F13B: variants seen among roughly 807,000 people sequenced by gnomAD.
The protein encoded by F13B is TGase.
A neutral mutation model predicts 79.8 loss-of-function variants in F13B; 58 were observed. The observed-to-expected ratio is 0.73, with a 90% confidence interval of 0.59 to 0.90. The LOEUF (loss-of-function observed/expected upper bound fraction) is 0.90. Ranked by LOEUF, F13B falls within the 40% of genes least tolerant of loss-of-function variation. The pLI, the probability that F13B is intolerant of heterozygous loss-of-function variation, is 0.00. For missense variants in F13B, 773 were observed against 777.0 expected, an observed-to-expected ratio of 0.99 and a Z score of 0.06; for synonymous variants, 283 against 260.3, an observed-to-expected ratio of 1.09 and a Z score of -0.84.
intron 10 of F13B, among the ~76,000 whole-genome samples, chr1:197,041,008 T>C (rs1655018738): frequency 6.6e-6 from 1 of 152,160 alleles, no homozygotes; most frequent in Non-Finnish European, 1.5e-5. Context: ...TTTAGTTTTA[T>C]GTCATTAGCT....
chr1:197,056,586 A>G (rs558804848), intron 7 of F13B, among the ~76,000 whole-genome samples: 2 of 152,290 alleles, frequency 1.3e-5, no homozygotes, highest in East Asian at 1.9e-4. Flanking sequence ...ACCCAAGGTC[A>G]AGAACAGAAT....
At chr1:197,050,448 T>C (rs1192042246) in intron 10 of F13B, among the ~76,000 whole-genome samples, 2 of 152,162 alleles carry the variant, frequency 1.3e-5, no homozygotes, top group Admixed American at 6.6e-5. Flanking sequence ...CTATGGCTTA[T>C]TCAACTTATA....
At position 197,040,559 on chromosome 1, in the gene F13B, C is replaced by G. The variant is rs931543503; in HGVS notation, c.1915G>C (p.Gly639Arg). 6.2e-7 allele frequency: 1 copy of G among 1,612,650 alleles called. No homozygotes were observed. The highest frequency in any genetic ancestry group is 1.7e-5 in the Admixed American group (1 of 59,942). The change falls in exon 11 of 12, where the codon GGG (glycine) becomes CGG (arginine). Residue 639 changes from glycine (G) to arginine (R), a missense_variant. Coordinates refer to ENST00000367412, the MANE Select transcript of F13B (RefSeq NM_001994.3). ...GSILRMQCDR[G>R]QLKYPRCIPR... ...ATACATCTTGGATATTTTAACTGCC[C>G]TCTGTCACATTGCATTCTAAGTATA...
intron 3 of F13B, 147 bp from the exon 4 acceptor site, chr1:197,061,222 C>T (rs1012384304): frequency 4.1e-5 from 20 of 486,830 alleles, no homozygotes; most frequent in Non-Finnish European, 7.0e-6. Flanking sequence ...TTTTCTTTGC[C>T]TCTATTCTCT....
chr1:197,042,329 T>C (rs909084207), intron 10 of F13B, among the ~76,000 whole-genome samples: 1 of 152,206 alleles, frequency 6.6e-6, no homozygotes, highest in African/African-American at 2.4e-5. Flanking sequence ...ACATGAGATT[T>C]AAATTAAAAT....
Position 197,057,146 on chromosome 1 carries a change from T to A in F13B, c.1038A>T (p.Ala346=). 1 of 1,613,938 alleles carries A rather than the reference T, an allele frequency of 6.2e-7. No homozygotes were observed. The highest frequency in any genetic ancestry group is 8.5e-7 in the Non-Finnish European group (1 of 1,179,926). The change falls in exon 7 of 12, where the codon GCA becomes GCT. Residue 346 remains alanine, a synonymous_variant. Transcript: ENST00000367412. ...AATAAATCTTAGAGTGTAAATTTGC[T>A]GCACCATTTTCAATGAAGGGTGGTT... The part of the protein sequence containing the change: ...CEEPPFIENG[A]ANLHSKIYYN...
intron 2 of F13B, among the ~76,000 whole-genome samples, chr1:197,062,316 T>C (rs1021302553): frequency 6.6e-5 from 10 of 152,156 alleles, no homozygotes; most frequent in African/African-American, 2.4e-4. Flanking sequence ...AGTTTGATGA[T>C]AGTGTAGCCT....
rs1655830884 is a variant in F13B, at chr1:197,060,915, G to A, written c.612C>T (p.Leu204=). The change falls in exon 4 of 12, where the codon CTC becomes CTT. Residue 204 remains leucine, a synonymous_variant. Transcript: ENST00000367412. ...AGAACCTACTGGTACATTTTGGTGT[G>A]AGAGACCATCCGTATGTGAGACATT... ...EVECLTYGWS[L]TPKCTKLKCS... 2.5e-6 allele frequency: 4 copies of A among 1,613,084 alleles called. No individual in the cohort carries two copies. The highest frequency in any genetic ancestry group is 3.4e-6 in the Non-Finnish European group (4 of 1,179,360).
chr1:197,050,407 G>A (rs1571557543), intron 10 of F13B, among the ~76,000 whole-genome samples: 1 of 152,000 alleles, frequency 6.6e-6, no homozygotes, highest in African/African-American at 2.4e-5. Flanking sequence ...CAATCACAAT[G>A]AATGATAATT....
intron 8 of F13B, among the ~76,000 whole-genome samples, chr1:197,054,775 A>G (rs1239694720): frequency 4.6e-5 from 7 of 151,984 alleles, no homozygotes; most frequent in Non-Finnish European, 7.4e-5. Context: ...GTTAACAAAG[A>G]TTAGGATGAT....
chr1:197,052,322 T>C (rs1029949620), intron 9 of F13B, among the ~76,000 whole-genome samples: 35 of 152,142 alleles, frequency 2.3e-4, no homozygotes, highest in Admixed American at 1.0e-3. Flanking sequence ...ACACTGCTGA[T>C]GGGAATGTAA....
At chr1:197,045,034 TAAATGCCCACAAGAGAATGCAGG>T (rs1465267689) in intron 10 of F13B, among the ~76,000 whole-genome samples, 1 of 152,092 alleles carries the variant, frequency 6.6e-6, no homozygotes, top group African/African-American at 2.4e-5. Flanking sequence ...TTTATAGCAC[TAAATGCCCACAAGAGAATGCAGG>T]AAAGATCTAA....
chr1:197,054,256 C>T (rs1315072640), intron 8 of F13B, among the ~76,000 whole-genome samples: 1 of 152,080 alleles, frequency 6.6e-6, no homozygotes, highest in Non-Finnish European at 1.5e-5. Context: ...TCATTACCAG[C>T]TTTGCCATAA....
chr1:197,056,117 C>A (rs955487335), intron 7 of F13B, among the ~76,000 whole-genome samples: 1 of 152,058 alleles, frequency 6.6e-6, no homozygotes, highest in Non-Finnish European at 1.5e-5. Context: ...ACGTATTTTT[C>A]TCTTTTCTCA....
chr1:197,062,176 C>T (rs1405483866), intron 2 of F13B, among the ~76,000 whole-genome samples: 1 of 152,056 alleles, frequency 6.6e-6, no homozygotes, highest in Non-Finnish European at 1.5e-5. Context: ...ACCCCTACCA[C>T]ATCTACTTCT....
intron 9 of F13B, among the ~76,000 whole-genome samples, chr1:197,051,676 G>A (rs1444681598): frequency 6.6e-6 from 1 of 152,086 alleles, no homozygotes; most frequent in Non-Finnish European, 1.5e-5. Context: ...TATGCTGATT[G>A]AAGTTTGGAA....
At chr1:197,046,182 A>C (rs1655222452) in intron 10 of F13B, among the ~76,000 whole-genome samples, 1 of 152,200 alleles carries the variant, frequency 6.6e-6, no homozygotes, top group African/African-American at 2.4e-5. Context: ...TGTCAAGAGA[A>C]AGAAATAAAT....
Position 197,039,414 on chromosome 1 carries a change from T to C in F13B, c.1953-3A>G, listed in dbSNP as rs374392525. 124 of 1,609,250 alleles carry C rather than the reference T, an allele frequency of 7.7e-5. No individual in the cohort carries two copies. The highest frequency in any genetic ancestry group is 1.0e-4 in the Non-Finnish European group (118 of 1,177,152). ...AGGGTTCTTGATAAGACAGAGTGCT[T>C]GAGGGGAAAAAGAGAGATTTTTGAA... On this transcript the variant is annotated splice_polypyrimidine_tract_variant and splice_region_variant and intron_variant, in intron 11 of 11. Transcript: ENST00000367412.
chr1:197,055,619 A>C (rs1655612061), intron 8 of F13B, 96 bp downstream of exon 8: 5 of 1,323,442 alleles, frequency 3.8e-6, no homozygotes, highest in Non-Finnish European at 5.4e-6. Context: ...TTGTGAAAAA[A>C]GATTTGTACA....
Sources: gnomAD v4.1 joint callset for allele counts (sites outside exome capture counted in the v4.1 genomes callset) on GRCh38, gnomAD v4.1.1 for gene constraint, MANE v1.5 for transcripts, NCBI Gene and HGNC (gene_info 2026-07-23, HGNC 2026-07-21) for gene names.